The following TGM1 variants were observed in gnomAD, a reference collection of about 807,000 sequenced individuals.
The protein encoded by TGM1 is protein-glutamine gamma-glutamyltransferase K.
Under a neutral mutation model 88.7 loss-of-function variants are expected in TGM1, and 63 were observed. That is an observed-to-expected ratio of 0.71 (90% CI 0.58 to 0.88). TGM1 has a LOEUF of 0.88. Among genes scored for constraint, TGM1 ranks in the 40% least tolerant of loss-of-function variants. The pLI is 0.00. For missense variants in TGM1, 996 were observed against 1,118.0 expected (o/e 0.89, Z 1.56); for synonymous variants, 415 against 431.1 (o/e 0.96, Z 0.46).
intron 4 of TGM1, 86 bp from the exon 5 acceptor site, chr14:24,260,144 G>A (rs766914093): frequency 1.6e-5 from 20 of 1,247,716 alleles, no homozygotes; most frequent in Non-Finnish European, 2.1e-5. Flanking sequence ...CAGGACTCAT[G>A]TCCACAGAAG....
At chr14:24,251,793 T>C (rs1008148664) in intron 14 of TGM1, among the ~76,000 whole-genome samples, 16 of 152,246 alleles carry the variant, frequency 1.1e-4, no homozygotes, top group African/African-American at 3.1e-4. Context: ...TCGGTTCTGA[T>C]GGAAAAGGGC....
intron 3 of TGM1, 43 bp downstream of exon 3, chr14:24,261,652 C>A: frequency 6.2e-7 from 1 of 1,613,064 alleles, no homozygotes; most frequent in South Asian, 1.1e-5. Context: ...CTCTCCCCAC[C>A]AAACATAGGG....
chr14:24,263,029 G>C (rs1332067794), intron 1 of TGM1, 60 bp downstream of exon 1: 1 of 156,060 alleles, frequency 6.4e-6, no homozygotes, highest in Admixed American at 6.1e-5. Context: ...ATCCAGGCAC[G>C]GCCTCTGATA....
At position 24,259,047 on chromosome 14, in the gene TGM1, G is replaced by A. The variant is rs1324360076; in HGVS notation, c.1159+28C>T. On this transcript the variant is annotated intron_variant, in intron 7 of 14. Coordinates refer to ENST00000206765, the MANE Select transcript of TGM1 (RefSeq NM_000359.3). The surrounding 1 kb of genome is among the most constrained non-coding windows in gnomAD (Gnocchi z 5.7). ...CCTCCCTTCTCCCTGTAGGGCCCGG[G>A]CCACTCCTGTCCCAGTCCCTCCACT... is the stretch of plus-strand genomic sequence containing the variant. The A allele has an allele frequency of 1.2e-6, 2 of 1,612,982 alleles. No homozygotes were observed. The highest frequency in any genetic ancestry group is 1.7e-6 in the Non-Finnish European group (2 of 1,179,670).
Position 24,254,262 on chromosome 14 carries a change from C to G in TGM1, c.2115G>C (p.Gln705His). 1.2e-6 allele frequency: 2 copies of G among 1,614,090 alleles called. No homozygotes were observed. The highest frequency in any genetic ancestry group is 8.5e-7 in the Non-Finnish European group (1 of 1,180,010). ...TGAAGACAATCTGTACTTCACACTCCTGGCCAACCACTGCTGCTCCCAGTA... is the reference window on the plus strand; with the variant it reads ...TGAAGACAATCTGTACTTCACACTCGTGGCCAACCACTGCTGCTCCCAGTA... ...LTLLGAAVVG[Q>H]ECEVQIVFKN... The change falls in exon 14 of 15, where the codon CAG (glutamine) becomes CAC (histidine). Residue 705 changes from glutamine to histidine, a missense_variant. Gln to His is a conservative substitution (Grantham distance 24, BLOSUM62 0). Coordinates refer to ENST00000206765, the MANE Select transcript of TGM1 (RefSeq NM_000359.3).
chr14:24,251,278 C>G (rs538315073), intron 14 of TGM1, among the ~76,000 whole-genome samples: 4 of 152,310 alleles, frequency 2.6e-5, no homozygotes, highest in African/African-American at 9.6e-5. Flanking sequence ...CAAATTTGCA[C>G]TCTTAATTTT....
At chr14:24,250,038 G>A (rs2040687838) in intron 14 of TGM1, among the ~76,000 whole-genome samples, 1 of 152,080 alleles carries the variant, frequency 6.6e-6, no homozygotes, top group Non-Finnish European at 1.5e-5. Context: ...AGAGAAAAGA[G>A]CATTTTCACA....
rs1250471474 is a variant in TGM1 at position 24,254,991 on chromosome 14, C to T, written c.1908G>A (p.Val636=). The change falls in exon 12 of 15, where the codon GTG becomes GTA. Residue 636 remains valine, a synonymous_variant. Transcript: ENST00000206765. ...GTIFKETKKE[V]ELAPGASDRV... is the part of the protein sequence containing the mutation. ...ACTTACAGGCCCCTGGTGCCAGCTC[C>T]ACTTCCTTCTTGGTCTCCTTGAAGA... 1 of 1,613,930 alleles carries T rather than the reference C, an allele frequency of 6.2e-7. No individual in the cohort carries two copies. The highest frequency in any genetic ancestry group is 8.5e-7 in the Non-Finnish European group (1 of 1,180,022).
intron 4 of TGM1, 162 bp from the exon 5 acceptor site, chr14:24,260,220 G>A: frequency 1.1e-6 from 1 of 935,354 alleles, no homozygotes; most frequent in Non-Finnish European, 1.7e-6. Flanking sequence ...ATGACAGATG[G>A]TGGAGGAGAT....
intron 14 of TGM1, among the ~76,000 whole-genome samples, chr14:24,252,067 G>C (rs1042734686): frequency 2.6e-5 from 4 of 152,182 alleles, no homozygotes; most frequent in Non-Finnish European, 5.9e-5. Flanking sequence ...GTCACCACAG[G>C]GGGGTGGCAC....
chr14:24,255,248 C>G lies in TGM1; in HGVS notation c.1651G>C (p.Asp551His), dbSNP rs758739021. The part of the protein sequence containing the change: ...TYLYKHPEGS[D>H]AERKAVETAA... Reference sequence around the variant, plus strand: ...GTCTCTACTGCCTTCCGCTCTGCGTCTGAGCCTGGGGGTTGAGGGTCAAGG... The same window carrying G: ...GTCTCTACTGCCTTCCGCTCTGCGTGTGAGCCTGGGGGTTGAGGGTCAAGG... The change falls in exon 12 of 15, where the codon GAC becomes CAC. Residue 551 changes from aspartate (D) to histidine (H), a missense_variant. By Grantham distance (81) the Asp-to-His change is moderately conservative. Coordinates refer to ENST00000206765, the MANE Select transcript of TGM1 (RefSeq NM_000359.3). The surrounding 1 kb of genome is among the most constrained non-coding windows in gnomAD (Gnocchi z 4.0). 2 of 1,613,918 alleles carry G rather than the reference C, an allele frequency of 1.2e-6. No homozygotes were observed.
intron 3 of TGM1, among the ~76,000 whole-genome samples, chr14:24,261,488 TGAG>T (rs971415159): frequency 1.3e-5 from 2 of 151,636 alleles, no homozygotes; most frequent in African/African-American, 2.4e-5. Context: ...CCAGGAGGCT[TGAG>T]GAGGATGGGC....
At chr14:24,254,565 C>T in intron 13 of TGM1, 99 bp downstream of exon 13, 1 of 1,579,196 alleles carries the variant, frequency 6.3e-7, no homozygotes, top group Non-Finnish European at 8.7e-7. Flanking sequence ...AAAGGCTCAT[C>T]AGGCCAGCCT....
In TGM1 at chr14:24,259,285, G is replaced by A. The variant is rs200897932; in HGVS notation, c.985-36C>T. The stretch of plus-strand genomic sequence containing the variant: ...CAGGATGAGATAGGGCGGAGGTGGA[G>A]GAGGGGCTCAGGACCTGCCATGTGG... On this transcript the variant is annotated intron_variant, in intron 6 of 14. Coordinates refer to ENST00000206765, the MANE Select transcript of TGM1 (RefSeq NM_000359.3). This position sits in a 1 kb window ranked among gnomAD's most constrained non-coding sequence, Gnocchi z 5.7. The A allele has an allele frequency of 3.4e-4, 533 of 1,587,744 alleles. No individual in the cohort carries two copies. The highest frequency in any genetic ancestry group is 2.8e-4 in the Non-Finnish European group (326 of 1,166,258).
At position 24,260,779 on chromosome 14, in the gene TGM1, C is replaced by A. The variant is rs576765138; in HGVS notation, c.509-81G>T. The A allele has an allele frequency of 4.4e-6, 7 of 1,592,498 alleles. No individual in the cohort carries two copies. The African/African-American group carries it at 8.0e-5, about 18-fold the overall frequency. On this transcript the variant is annotated intron_variant, in intron 3 of 14. Transcript: ENST00000206765. ...AGCCTGGGACTTCTCCCGGCCCCAC[C>A]CACAATGTGTATGAGCCACTGTGTA...
chr14:24,249,393 C>T lies in TGM1; in HGVS notation c.2374G>A (p.Asp792Asn), dbSNP rs766226043. The change falls in exon 15 of 15, where the codon GAT becomes AAT. Residue 792 changes from aspartate to asparagine, a missense_variant. Coordinates refer to ENST00000206765, the MANE Select transcript of TGM1 (RefSeq NM_000359.3). ...IQVDVAPAPG[D>N]GGFFSDAGGD... Reference sequence around the variant, plus strand: ...CCAGCGTCTGAGAAGAAGCCCCCATCCCCAGGGGCTGGGGCCACATCCACC... The same window carrying T: ...CCAGCGTCTGAGAAGAAGCCCCCATTCCCAGGGGCTGGGGCCACATCCACC... 9.9e-6 allele frequency: 16 copies of T among 1,613,996 alleles called. No individual in the cohort carries two copies. The African/African-American group carries it at 1.5e-4, about 15-fold the overall frequency.
Position 24,262,322 on chromosome 14 carries a change from G to T in TGM1, c.31C>A (p.Arg11Ser), listed in dbSNP as rs747931513. ...GGCTGCAAGGGGTTGCCACCCCAAC[G>T]GCCCACATCGGAACGTGGCCCATCC... MMDGPRSDVG[R>S]WGGNPLQPPT... The change falls in exon 2 of 15, where the codon CGT (arginine) becomes AGT (serine). Residue 11 changes from arginine (R) to serine (S), a missense_variant. By Grantham distance (110) the Arg-to-Ser change is moderately radical. Coordinates refer to ENST00000206765, the MANE Select transcript of TGM1 (RefSeq NM_000359.3). 1 of 1,613,518 alleles carries T rather than the reference G, an allele frequency of 6.2e-7. No homozygotes were observed. The highest frequency in any genetic ancestry group is 2.2e-5 in the East Asian group (1 of 44,896).
chr14:24,254,544 C>T (rs41293824), intron 13 of TGM1, 120 bp downstream of exon 13: 3 of 1,515,612 alleles, frequency 2.0e-6, no homozygotes, highest in African/African-American at 1.4e-5. Context: ...CGGTCCTTGA[C>T]CTTCTCCTAC....
chr14:24,249,564 G>A (rs2040683370), intron 14 of TGM1, 23 bp from the exon 15 acceptor site: 2 of 1,606,444 alleles, frequency 1.2e-6, no homozygotes, highest in East Asian at 4.5e-5. Context: ...ACAAGGTCAT[G>A]GGCCTGGAGT....
Sources: gnomAD v4.1 joint callset for allele counts (sites outside exome capture counted in the v4.1 genomes callset) on GRCh38, gnomAD v4.1.1 for gene constraint, Gnocchi (gnomAD v3.1) non-coding constraint, MANE v1.5 for transcripts, NCBI Gene and HGNC (gene_info 2026-07-23, HGNC 2026-07-21) for gene names.